The following CHRM3 variants were observed in gnomAD, a reference collection of about 807,000 sequenced individuals.
The protein encoded by CHRM3 is cholinergic receptor muscarinic 3, also known as muscarinic acetylcholine receptor M3.
In CHRM3, 11 loss-of-function variants were observed where a neutral mutation model predicts 41.8. The ratio of observed to expected loss-of-function variants is 0.26; its 90% CI spans 0.17 to 0.44. The LOEUF is 0.44. Ranked by LOEUF, CHRM3 falls within the 20% of genes least tolerant of loss-of-function variation. The probability of loss-of-function intolerance (pLI) is 1.00; values close to 1 mark genes in which losing one functional copy is unlikely to be tolerated. For missense variants in CHRM3, 571 were observed against 745.4 expected (o/e 0.77, Z 2.72); for synonymous variants, 297 against 301.4 (o/e 0.99, Z 0.15).
At chr1:239,599,052 C>A (rs1434470355) in intron 3 of CHRM3, among the ~76,000 whole-genome samples, 1 of 152,184 alleles carries the variant, frequency 6.6e-6, no homozygotes, top group Non-Finnish European at 1.5e-5. Flanking sequence ...CTCCCTTAAT[C>A]CCATCTTCCG....
At chr1:239,882,259 C>A (rs1439544779) in intron 6 of CHRM3, among the ~76,000 whole-genome samples, 1 of 152,180 alleles carries the variant, frequency 6.6e-6, no homozygotes, top group Non-Finnish European at 1.5e-5. Flanking sequence ...AGAACAACCA[C>A]TTGCCCTAAA....
chr1:239,832,517 G>T (rs1672975329), intron 6 of CHRM3, among the ~76,000 whole-genome samples: 1 of 152,146 alleles, frequency 6.6e-6, no homozygotes, highest in Middle Eastern at 3.4e-3. Flanking sequence ...CCGGGAAGGG[G>T]TCCTGATCCA....
intron 5 of CHRM3, among the ~76,000 whole-genome samples, chr1:239,794,565 C>A (rs1443627306): frequency 6.6e-6 from 1 of 152,068 alleles, no homozygotes; most frequent in Non-Finnish European, 1.5e-5. Context: ...TTTGTTTTAG[C>A]TTCTGTCAGT....
chr1:239,489,060 C>T (rs544457567), intron 1 of CHRM3, among the ~76,000 whole-genome samples: 4 of 152,264 alleles, frequency 2.6e-5, no homozygotes, highest in South Asian at 2.1e-4. Flanking sequence ...AACTTCTCCT[C>T]GATCTTCTGC....
chr1:239,795,846 C>T (rs1203943477), intron 5 of CHRM3, among the ~76,000 whole-genome samples: 2 of 152,102 alleles, frequency 1.3e-5, no homozygotes. Flanking sequence ...TTCATTTTAC[C>T]TAGCTGGCAG....
In CHRM3 at chr1:239,443,880, C is replaced by A. The variant is rs1003036245; in HGVS notation, c.-520-48829C>A. On this transcript the variant is annotated intron_variant, in intron 1 of 6. Coordinates refer to ENST00000676153, the MANE Select transcript of CHRM3 (RefSeq NM_001375978.1). Reference sequence around the variant, plus strand: ...AGAAACAGTAGAAGAGAATTGAAATCCACATTGGAGTCTTCCTTCACCCAA... The same window carrying A: ...AGAAACAGTAGAAGAGAATTGAAATACACATTGGAGTCTTCCTTCACCCAA... 2.0e-5 allele frequency among the ~76,000 whole-genome samples: 3 copies of A among 152,172 alleles called. No individual in the cohort carries two copies. In the South Asian group the frequency reaches 6.2e-4, roughly 31 times the overall value.
intron 1 of CHRM3, among the ~76,000 whole-genome samples, chr1:239,403,164 G>T (rs1660123686): frequency 6.6e-6 from 1 of 152,074 alleles, no homozygotes; most frequent in African/African-American, 2.4e-5. Context: ...CTTCTCATCA[G>T]AAGCCACCAA....
At chr1:239,395,791 T>C (rs1323751223) in intron 1 of CHRM3, among the ~76,000 whole-genome samples, 1 of 152,206 alleles carries the variant, frequency 6.6e-6, no homozygotes, top group Non-Finnish European at 1.5e-5. Context: ...GATGATCTCA[T>C]TGATCATATT....
Position 239,908,363 on chromosome 1 carries a change from C to T in CHRM3, c.912C>T (p.Asn304=). The T allele has an allele frequency of 6.2e-7, 1 of 1,614,096 alleles. No homozygotes were observed. Among genetic ancestry groups the T allele is most frequent in the Non-Finnish European group, 8.5e-7 (1 of 1,180,040 alleles). The change falls in exon 7 of 7, where the codon AAC becomes AAT. Residue 304 remains asparagine (N), a synonymous_variant. Coordinates refer to ENST00000676153, the MANE Select transcript of CHRM3 (RefSeq NM_001375978.1). This position sits in a 1 kb window ranked among gnomAD's most constrained non-coding sequence, Gnocchi z 7.2. ...ELQQQSMKRS[N]RRKYGRCHFW... ...AACAGCAAAGCATGAAACGCTCCAA[C>T]AGGAGGAAGTATGGCCGCTGCCACT... is the stretch of plus-strand genomic sequence containing the variant.
At position 239,872,938 on chromosome 1, in the gene CHRM3, A is replaced by AT. The variant is rs57532119; in HGVS notation, c.-19-34485dup. Among the ~76,000 whole-genome samples, 657 of 150,132 alleles carry AT rather than the reference A, an allele frequency of 4.4e-3. 2 individuals are homozygous for AT. Among genetic ancestry groups the AT allele is most frequent in the Non-Finnish European group, 6.3e-3 (422 of 67,368 alleles). On this transcript the variant is annotated intron_variant, in intron 6 of 6. Transcript: ENST00000676153. ...TTGGCAGAACAGCCCTCCAGTTTGT[A>AT]TTTTTTTTTTCTTCCTAAATTGCAT...
intron 2 of CHRM3, among the ~76,000 whole-genome samples, chr1:239,533,128 A>C (rs1467878208): frequency 6.6e-6 from 1 of 152,122 alleles, no homozygotes; most frequent in African/African-American, 2.4e-5. Context: ...TCTTTTCATA[A>C]ATTTGTATGT....
chr1:239,914,361 C>G lies in CHRM3; in HGVS notation c.*5137C>G, dbSNP rs1265451103. 1 of 167,020 alleles carries G rather than the reference C, an allele frequency of 6.0e-6. No individual in the cohort carries two copies. Among genetic ancestry groups the G allele is most frequent in the Admixed American group, 6.5e-5 (1 of 15,278 alleles). The allele number at this position is 167,020 out of a possible 1,614,324, so 10.3% of individuals were successfully genotyped here. A position where few individuals can be genotyped will look rare whatever the true frequency, so the allele number is the denominator to read the frequency against. On this transcript the variant is annotated 3_prime_UTR_variant, in exon 7 of 7. Coordinates refer to ENST00000676153, the MANE Select transcript of CHRM3 (RefSeq NM_001375978.1). ...TCTAATAACCTCCTTATTAATATAA[C>G]AAATATTATCAACATTCTGTGCACA...
At chr1:239,446,215 G>A (rs769652640) in intron 1 of CHRM3, among the ~76,000 whole-genome samples, 46 of 152,142 alleles carry the variant, frequency 3.0e-4, no homozygotes, top group South Asian at 1.2e-3. Flanking sequence ...AATTACAGGC[G>A]TGAGCCACCA....
chr1:239,628,855 C>G (rs1397992370), intron 3 of CHRM3, among the ~76,000 whole-genome samples: 2 of 70,050 alleles, frequency 2.9e-5, no homozygotes, highest in East Asian at 4.8e-4. Context: ...GGCAGTCTGC[C>G]CGTTCTCAGA....
At chr1:239,707,989 TA>T (rs1485639261) in intron 5 of CHRM3, among the ~76,000 whole-genome samples, 3 of 152,210 alleles carry the variant, frequency 2.0e-5, no homozygotes, top group African/African-American at 7.2e-5. Context: ...GTTAAACAAC[TA>T]CTGTGGAATA....
chr1:239,627,863 G>A (rs1478644049), intron 3 of CHRM3, among the ~76,000 whole-genome samples: 34 of 151,182 alleles, frequency 2.2e-4, no homozygotes, highest in East Asian at 9.7e-4. Context: ...GGTTTCTGCC[G>A]AGAGATCCGC....
chr1:239,404,507 T>C (rs1214243624), intron 1 of CHRM3, among the ~76,000 whole-genome samples: 1 of 150,116 alleles, frequency 6.7e-6, no homozygotes, highest in Non-Finnish European at 1.5e-5. Flanking sequence ...TTTTCTGAGT[T>C]AGATTAATAG....
At chr1:239,420,851 A>C (rs1162669046) in intron 1 of CHRM3, among the ~76,000 whole-genome samples, 1 of 152,136 alleles carries the variant, frequency 6.6e-6, no homozygotes. Context: ...CATAATATTA[A>C]AACAATGAAA....
intron 4 of CHRM3, among the ~76,000 whole-genome samples, chr1:239,668,543 T>A (rs1002530576): frequency 5.9e-5 from 9 of 152,190 alleles, no homozygotes; most frequent in African/African-American, 2.2e-4. Flanking sequence ...TCTGCATTGC[T>A]CTTGGGATAA....
Sources: gnomAD v4.1 joint callset for allele counts (sites outside exome capture counted in the v4.1 genomes callset) on GRCh38, gnomAD v4.1.1 for gene constraint, Gnocchi (gnomAD v3.1) non-coding constraint, MANE v1.5 for transcripts, NCBI Gene and HGNC (gene_info 2026-07-23, HGNC 2026-07-21) for gene names.